Variants in CIMIP6 observed in about 807,000 individuals in gnomAD.
CIMIP6 encodes uncharacterized protein C2orf73.
the CIMIP6 span, among the ~76,000 whole-genome samples, chr2:54,381,683 A>G: frequency 1.3e-5 from 2 of 152,222 alleles, no homozygotes; most frequent in Admixed American, 1.3e-4. Context: ...GAGCCTATTC[A>G]GCCTTCCTCA....
At chr2:54,356,758 T>G in the CIMIP6 span, among the ~76,000 whole-genome samples, 1 of 152,226 alleles carries the variant, frequency 6.6e-6, no homozygotes, top group Non-Finnish European at 1.5e-5. Flanking sequence ...TGAAGTTCAG[T>G]GATTTATTTC....
the CIMIP6 span, among the ~76,000 whole-genome samples, chr2:54,352,164 A>C: frequency 6.6e-6 from 1 of 152,182 alleles, no homozygotes; most frequent in African/African-American, 2.4e-5. Context: ...TACAGGTTTA[A>C]CTTTCTTTGC....
chr2:54,333,592 C>G, the CIMIP6 span, among the ~76,000 whole-genome samples: 1 of 151,980 alleles, frequency 6.6e-6, no homozygotes, highest in Admixed American at 6.6e-5. Flanking sequence ...AGGGTTTTAA[C>G]TGCAAAATGA....
At chr2:54,365,205 G>T in the CIMIP6 span, among the ~76,000 whole-genome samples, 1 of 152,162 alleles carries the variant, frequency 6.6e-6, no homozygotes, top group Non-Finnish European at 1.5e-5. Context: ...CTACCAAACT[G>T]AGCTATGCAC....
chr2:54,378,371 C>T, the CIMIP6 span, among the ~76,000 whole-genome samples: 4 of 152,164 alleles, frequency 2.6e-5, no homozygotes, highest in Admixed American at 2.0e-4. Flanking sequence ...CAGGCCTGCA[C>T]CTAAGCTCAA....
chr2:54,344,563 A>G, the CIMIP6 span, among the ~76,000 whole-genome samples: 1 of 152,162 alleles, frequency 6.6e-6, no homozygotes, highest in Non-Finnish European at 1.5e-5. Flanking sequence ...AGCGGGTAGG[A>G]GAGAGTCAGA....
chr2:54,360,861 A>G, the CIMIP6 span: 2 of 203,836 alleles, frequency 9.8e-6, no homozygotes, highest in African/African-American at 4.7e-5. Context: ...GCCCTGTTAG[A>G]CATGAGTGGA....
the CIMIP6 span, among the ~76,000 whole-genome samples, chr2:54,358,068 A>C: frequency 6.6e-6 from 1 of 152,252 alleles, no homozygotes; most frequent in Admixed American, 6.5e-5. Context: ...ACAGACCAAT[A>C]TAATGAACTC....
At chr2:54,342,862 G>T in the CIMIP6 span, among the ~76,000 whole-genome samples, 6 of 151,858 alleles carry the variant, frequency 4.0e-5, no homozygotes, top group Admixed American at 2.0e-4. Context: ...GGTGTCATAG[G>T]GTTTCTCAAG....
chr2:54,350,147 T>C, the CIMIP6 span, among the ~76,000 whole-genome samples: 2 of 152,228 alleles, frequency 1.3e-5, no homozygotes, highest in Admixed American at 6.5e-5. Flanking sequence ...TGAGCCACCA[T>C]ACCCAGCCAG....
At chr2:54,358,285 A>C in the CIMIP6 span, among the ~76,000 whole-genome samples, 2 of 152,250 alleles carry the variant, frequency 1.3e-5, no homozygotes. Context: ...GCCACTGGCC[A>C]AACTATAGAT....
chr2:54,374,117 A>G, the CIMIP6 span, among the ~76,000 whole-genome samples: 1 of 152,166 alleles, frequency 6.6e-6, no homozygotes, highest in Non-Finnish European at 1.5e-5. Flanking sequence ...TTACCTCCTT[A>G]GCCTGTACCG....
At chr2:54,348,599 A>G in the CIMIP6 span, among the ~76,000 whole-genome samples, 1 of 152,208 alleles carries the variant, frequency 6.6e-6, no homozygotes, top group Non-Finnish European at 1.5e-5. Flanking sequence ...CCTGCAATTT[A>G]TTCATATTTC....
chr2:54,334,951 T>G, the CIMIP6 span: 5 of 1,602,368 alleles, frequency 3.1e-6, no homozygotes, highest in Admixed American at 3.4e-5. Context: ...TATGCTAAAT[T>G]CATTAACACA....
the CIMIP6 span, among the ~76,000 whole-genome samples, chr2:54,347,786 C>T: frequency 2.0e-5 from 3 of 152,284 alleles, no homozygotes; most frequent in South Asian, 6.2e-4. Flanking sequence ...CTGCCCCATG[C>T]TCCCTGCCTC....
the CIMIP6 span, among the ~76,000 whole-genome samples, chr2:54,359,400 C>G: frequency 6.6e-6 from 1 of 151,880 alleles, no homozygotes; most frequent in African/African-American, 2.4e-5. Flanking sequence ...ATCAATCAAT[C>G]CAAACATAAT....
the CIMIP6 span, among the ~76,000 whole-genome samples, chr2:54,351,993 A>T: frequency 1.3e-5 from 2 of 152,008 alleles, no homozygotes; most frequent in African/African-American, 4.8e-5. Flanking sequence ...AAGAAGAAAA[A>T]AAAACCTAAG....
At chr2:54,352,137 T>G in the CIMIP6 span, among the ~76,000 whole-genome samples, 4 of 152,200 alleles carry the variant, frequency 2.6e-5, no homozygotes, top group Non-Finnish European at 4.4e-5. Context: ...TTTGACATAA[T>G]GTACTAAATA....
At chr2:54,366,979 G>A in the CIMIP6 span, among the ~76,000 whole-genome samples, 1,087 of 152,136 alleles carry the variant, frequency 7.1e-3, 24 homozygotes, top group African/African-American at 0.025. Flanking sequence ...ATGAAACTAA[G>A]ATACAGGGAG....
Sources: allele counts gnomAD v4.1 joint callset (sites outside exome capture counted in the v4.1 genomes callset), GRCh38; gene constraint gnomAD v4.1.1; transcripts MANE v1.5; gene names NCBI Gene and HGNC (gene_info 2026-07-23, HGNC 2026-07-21).